The following SGCD variants were observed in gnomAD, a reference collection of about 807,000 sequenced individuals.
SGCD encodes the protein sarcoglycan delta, also known as delta-sarcoglycan.
A neutral mutation model predicts 36.6 loss-of-function variants in SGCD; 18 were observed. That is an observed-to-expected ratio of 0.49 (90% CI 0.34 to 0.73). The LOEUF (loss-of-function observed/expected upper bound fraction) is 0.73. Among genes scored for constraint, SGCD ranks in the 30% least tolerant of loss-of-function variants. The pLI is 0.01. For synonymous variants in SGCD, 133 were observed against 130.6 expected (o/e 1.02, Z -0.12); for missense variants, 387 against 346.7 (o/e 1.12, Z -0.92).
chr5:156,481,594 A>AC (rs1755432581), intron 3 of SGCD, among the ~76,000 whole-genome samples: 1 of 152,178 alleles, frequency 6.6e-6, no homozygotes, highest in African/African-American at 2.4e-5. Context: ...CTCTTGATCT[A>AC]CATGACCCTG....
At chr5:155,902,302 C>T (rs1432089732) in intron 1 of SGCD, among the ~76,000 whole-genome samples, 1 of 152,164 alleles carries the variant, frequency 6.6e-6, no homozygotes, top group African/African-American at 2.4e-5. Context: ...ATTAATTCAA[C>T]TGATTTATTG....
intron 3 of SGCD, among the ~76,000 whole-genome samples, chr5:156,188,308 A>T (rs779111807): frequency 1.3e-5 from 2 of 152,216 alleles, no homozygotes; most frequent in Non-Finnish European, 2.9e-5. Context: ...ACAGTCAAAA[A>T]ATAATAAACC....
chr5:156,172,901 C>T (rs1487021184), intron 3 of SGCD, among the ~76,000 whole-genome samples: 3 of 151,698 alleles, frequency 2.0e-5, no homozygotes, highest in Non-Finnish European at 4.4e-5. Context: ...AATAAGGAGA[C>T]ATGACAGTAA....
intron 6 of SGCD, among the ~76,000 whole-genome samples, chr5:156,613,600 G>A (rs1761910726): frequency 6.6e-6 from 1 of 152,156 alleles, no homozygotes; most frequent in South Asian, 2.1e-4. Flanking sequence ...GAGATGAAGA[G>A]CATCAGCTGT....
At chr5:156,641,573 G>A (rs1763029645) in intron 6 of SGCD, among the ~76,000 whole-genome samples, 1 of 152,268 alleles carries the variant, frequency 6.6e-6, no homozygotes, top group Non-Finnish European at 1.5e-5. Flanking sequence ...TGGATTCAGA[G>A]CAGCTTCCTT....
At chr5:156,470,670 A>C (rs1056762577) in intron 3 of SGCD, among the ~76,000 whole-genome samples, 2 of 152,194 alleles carry the variant, frequency 1.3e-5, no homozygotes, top group Non-Finnish European at 2.9e-5. Context: ...TTTCTCAAAA[A>C]GACTTTTTTT....
chr5:156,145,954 C>T (rs915746729), intron 3 of SGCD, among the ~76,000 whole-genome samples: 3 of 152,200 alleles, frequency 2.0e-5, no homozygotes, highest in African/African-American at 7.2e-5. Context: ...TGGCTCATGC[C>T]TGTAATACCA....
At chr5:156,226,640 C>T (rs976261420) in intron 3 of SGCD, among the ~76,000 whole-genome samples, 2 of 152,092 alleles carry the variant, frequency 1.3e-5, no homozygotes, top group Non-Finnish European at 2.9e-5. Context: ...AAGGAATATC[C>T]ACAGTTTTCC....
intron 1 of SGCD, among the ~76,000 whole-genome samples, chr5:155,914,493 A>G (rs897212651): frequency 6.6e-6 from 1 of 152,140 alleles, no homozygotes; most frequent in Non-Finnish European, 1.5e-5. Context: ...AATAAGGTCT[A>G]TTTAATTCAG....
chr5:156,577,550 G>A lies in SGCD; in HGVS notation c.295-11681G>A, dbSNP rs563151070. ...ATATTTATCCTTCCTATCCATGAGC[G>A]TGGAATGTTCTTCCATTTGTTTGCA... On this transcript the variant is annotated intron_variant, in intron 4 of 8. Transcript: ENST00000337851. Among the ~76,000 whole-genome samples, 11 of 152,188 alleles carry A rather than the reference G, an allele frequency of 7.2e-5. No homozygotes were observed. In the South Asian group the frequency reaches 2.1e-3, roughly 29 times the overall value.
intron 1 of SGCD, among the ~76,000 whole-genome samples, chr5:156,017,845 T>A (rs979685883): frequency 6.6e-6 from 1 of 152,196 alleles, no homozygotes; most frequent in Non-Finnish European, 1.5e-5. Flanking sequence ...TCTCCTCTTT[T>A]GACATTCATA....
chr5:156,653,493 C>CTTTGTTTTTTTTTTTTT (rs1763545418), intron 7 of SGCD, among the ~76,000 whole-genome samples: 1 of 48,082 alleles, frequency 2.1e-5, no homozygotes, highest in Admixed American at 3.7e-4. Flanking sequence ...CTAAAGCTTG[C>CTTTGTTTTTTTTTTTTT]TTTTTTTTTT....
intron 3 of SGCD, among the ~76,000 whole-genome samples, chr5:156,194,106 T>G (rs552175467): frequency 1.3e-5 from 2 of 152,354 alleles, no homozygotes; most frequent in African/African-American, 4.8e-5. Context: ...TTGGGTGCTG[T>G]GGCTCATGCC....
At chr5:156,433,740 C>T (rs144756424) in intron 3 of SGCD, among the ~76,000 whole-genome samples, 14 of 152,272 alleles carry the variant, frequency 9.2e-5, no homozygotes, top group South Asian at 2.1e-4. Context: ...TGGCCTGTCA[C>T]CATATGCAGC....
chr5:156,448,754 T>C (rs1236908964), intron 3 of SGCD, among the ~76,000 whole-genome samples: 2 of 133,934 alleles, frequency 1.5e-5, no homozygotes, highest in East Asian at 4.6e-4. Context: ...TTTTTTTTTT[T>C]TTTTTGAGAC....
At chr5:156,371,871 G>C (rs989574430) in intron 3 of SGCD, among the ~76,000 whole-genome samples, 11 of 152,214 alleles carry the variant, frequency 7.2e-5, no homozygotes, top group Non-Finnish European at 1.6e-4. Flanking sequence ...GAAGACACAA[G>C]ACATGTTGAC....
At chr5:156,316,110 A>G (rs1205275576) in intron 3 of SGCD, among the ~76,000 whole-genome samples, 2 of 151,974 alleles carry the variant, frequency 1.3e-5, no homozygotes, top group Admixed American at 1.3e-4. Flanking sequence ...GAACTAATAA[A>G]TGAATTTCAT....
At chr5:156,045,754 G>A (rs80245450) in intron 1 of SGCD, among the ~76,000 whole-genome samples, 2,673 of 152,144 alleles carry the variant, frequency 0.018, 75 homozygotes, top group African/African-American at 0.055. Context: ...AAGCTTTCTG[G>A]TATCTCTTCT....
chr5:156,519,462 C>A (rs544847129), intron 4 of SGCD, among the ~76,000 whole-genome samples: 9 of 152,298 alleles, frequency 5.9e-5, no homozygotes, highest in African/African-American at 1.9e-4. Context: ...GGTACCATTT[C>A]TTTTCAAACT....
Sources: gnomAD v4.1 joint callset for allele counts (sites outside exome capture counted in the v4.1 genomes callset) on GRCh38, gnomAD v4.1.1 for gene constraint, MANE v1.5 for transcripts, NCBI Gene and HGNC (gene_info 2026-07-23, HGNC 2026-07-21) for gene names.